SNX29: variants seen among roughly 807,000 people sequenced by gnomAD.
SNX29 encodes the protein sorting nexin 29, also known as sorting nexin-29.
SNX29 carries 78 observed loss-of-function variants against 102.1 expected under a neutral mutation model. The observed-to-expected ratio is 0.76, with a 90% CI of 0.64 to 0.92. The LOEUF (loss-of-function observed/expected upper bound fraction) is 0.92. Ranked by LOEUF, SNX29 falls within the 40% of genes least tolerant of loss-of-function variation. The pLI, the probability that SNX29 is intolerant of heterozygous loss-of-function variation, is 0.00. For synonymous variants in SNX29, 580 were observed against 414.5 expected, an observed-to-expected ratio of 1.40 and a Z score of -4.85; for missense variants, 1,280 against 1,061.7, an observed-to-expected ratio of 1.21 and a Z score of -2.86.
chr16:12,436,394 C>T (rs760788797), intron 18 of SNX29, among the ~76,000 whole-genome samples: 2 of 152,240 alleles, frequency 1.3e-5, no homozygotes, highest in African/African-American at 2.4e-5. Context: ...CAGTGCGATG[C>T]GTGACATTTC....
intron 13 of SNX29, among the ~76,000 whole-genome samples, chr16:12,142,005 C>G (rs543188245): frequency 4.0e-4 from 61 of 152,336 alleles, no homozygotes; most frequent in African/African-American, 1.4e-3. Flanking sequence ...AACAATAGCA[C>G]TCATCATCCT....
chr16:12,028,909 T>C (rs1188394135), intron 4 of SNX29, among the ~76,000 whole-genome samples: 1 of 151,770 alleles, frequency 6.6e-6, no homozygotes, highest in Non-Finnish European at 1.5e-5. Flanking sequence ...CCACCATGCC[T>C]GGCTAGTTTT....
chr16:12,127,132 G>T (rs1213280565), intron 12 of SNX29, among the ~76,000 whole-genome samples: 2 of 151,806 alleles, frequency 1.3e-5, no homozygotes, highest in African/African-American at 4.8e-5. Flanking sequence ...GGTGCTGCGT[G>T]CCTGTAATCC....
intron 13 of SNX29, among the ~76,000 whole-genome samples, chr16:12,146,733 GT>G (rs2055081397): frequency 6.6e-6 from 1 of 152,094 alleles, no homozygotes; most frequent in South Asian, 2.1e-4. Context: ...TTCTCAGCTC[GT>G]TTTTCTTTTG....
rs1000784118 is a variant in SNX29 at position 12,242,645 on chromosome 16, C to A, written c.1679-35288C>A. 2.0e-5 allele frequency among the ~76,000 whole-genome samples: 3 copies of A among 149,950 alleles called. No homozygotes were observed. The Admixed American group carries it at 2.0e-4, about 10-fold the overall frequency. On this transcript the variant is annotated intron_variant, in intron 14 of 20. Coordinates refer to ENST00000566228, the MANE Select transcript of SNX29 (RefSeq NM_032167.5). Reference sequence around the variant, plus strand: ...TCTCTTCTTCTCTTCTTCTTTTCTTCTTGTCTTCTCTTCTCTTTTTTTTTT... The same window carrying A: ...TCTCTTCTTCTCTTCTTCTTTTCTTATTGTCTTCTCTTCTCTTTTTTTTTT...
At chr16:12,087,414 C>T (rs1277183161) in intron 11 of SNX29, 1 of 179,794 alleles carries the variant, frequency 5.6e-6, no homozygotes, top group Admixed American at 5.4e-5. Context: ...GAGACTCTAT[C>T]TCAAAATAAA....
At chr16:12,005,853 G>A (rs928493752) in intron 3 of SNX29, among the ~76,000 whole-genome samples, 2 of 152,162 alleles carry the variant, frequency 1.3e-5, no homozygotes, top group African/African-American at 2.4e-5. Context: ...ATATTCCACA[G>A]TCAGGAAAAA....
rs546150488 is a variant in SNX29, at chr16:12,174,343, C to T, written c.1596-25258C>T. ...GAGCAGGTGGTGGGTACACAGTTAG[C>T]CTAGTGACCTCTTTGACTGCAGAAA... On this transcript the variant is annotated intron_variant, in intron 13 of 20. Coordinates refer to ENST00000566228, the MANE Select transcript of SNX29 (RefSeq NM_032167.5). Among the ~76,000 whole-genome samples, 14 of 152,264 alleles carry T rather than the reference C, an allele frequency of 9.2e-5. No individual in the cohort carries two copies. In the East Asian group the frequency reaches 1.9e-3, roughly 21 times the overall value.
At chr16:12,202,908 G>T (rs759810289) in intron 14 of SNX29, among the ~76,000 whole-genome samples, 1 of 152,280 alleles carries the variant, frequency 6.6e-6, no homozygotes, top group African/African-American at 2.4e-5. Flanking sequence ...CATTAGGAGT[G>T]GGCTCACATT....
intron 1 of SNX29, among the ~76,000 whole-genome samples, chr16:11,985,878 G>C (rs2055602156): frequency 6.6e-6 from 1 of 150,936 alleles, no homozygotes; most frequent in Admixed American, 6.6e-5. Context: ...TGTCACCCAG[G>C]CTGGACTGTA....
At chr16:12,163,706 T>C (rs1223732098) in intron 13 of SNX29, among the ~76,000 whole-genome samples, 1 of 152,156 alleles carries the variant, frequency 6.6e-6, no homozygotes, top group African/African-American at 2.4e-5. Flanking sequence ...GGATTTGTAT[T>C]TGTTAAACCG....
chr16:12,129,790 A>T, intron 13 of SNX29, 32 bp downstream of exon 13: 1 of 1,570,672 alleles, frequency 6.4e-7, no homozygotes, highest in Non-Finnish European at 8.6e-7. Flanking sequence ...AGAGGTAAGC[A>T]CGTGGGGGCT....
At chr16:12,145,077 G>C (rs533820849) in intron 13 of SNX29, among the ~76,000 whole-genome samples, 1 of 152,216 alleles carries the variant, frequency 6.6e-6, no homozygotes, top group East Asian at 1.9e-4. Flanking sequence ...CCACTGTTCT[G>C]CAACTTGGTT....
In SNX29 at chr16:12,569,792, C is replaced by T. The variant is rs527510042; in HGVS notation, c.*1163C>T. On this transcript the variant is annotated 3_prime_UTR_variant, in exon 21 of 21. Coordinates refer to ENST00000566228, the MANE Select transcript of SNX29 (RefSeq NM_032167.5). The stretch of plus-strand genomic sequence containing the variant: ...CACCTCACAGAGCAATAGCCGTCCT[C>T]AGATGCTCAGCAAAGTTGTGGCAGT... 4.3e-6 allele frequency: 1 copy of T among 230,396 alleles called. No homozygotes were observed. The highest frequency in any genetic ancestry group is 8.6e-6 in the Non-Finnish European group (1 of 116,252). 14.3% of individuals were successfully genotyped at this position (230,396 alleles called of 1,614,324 possible). A position where few individuals can be genotyped will look rare whatever the true frequency, so the allele number is the denominator to read the frequency against.
intron 15 of SNX29, among the ~76,000 whole-genome samples, chr16:12,348,436 C>T (rs2081889321): frequency 6.6e-6 from 1 of 152,236 alleles, no homozygotes; most frequent in Admixed American, 6.5e-5. Flanking sequence ...TAGGGTCCCC[C>T]TGAGGGGGAT....
chr16:12,049,800 A>G (rs1457592505), intron 7 of SNX29, among the ~76,000 whole-genome samples: 7 of 152,036 alleles, frequency 4.6e-5, no homozygotes, highest in Admixed American at 4.6e-4. Context: ...GTATATATGT[A>G]GAGACAGGGT....
intron 11 of SNX29, among the ~76,000 whole-genome samples, chr16:12,108,705 G>T (rs2053371131): frequency 6.6e-6 from 1 of 152,134 alleles, no homozygotes; most frequent in Admixed American, 6.6e-5. Flanking sequence ...GAGTTATGCT[G>T]GTGGTGGCCA....
intron 3 of SNX29, among the ~76,000 whole-genome samples, chr16:12,017,988 C>T (rs1567531047): frequency 6.6e-6 from 1 of 152,054 alleles, no homozygotes; most frequent in African/African-American, 2.4e-5. Context: ...TCACTGCAAC[C>T]CCAGCATCCC....
intron 15 of SNX29, among the ~76,000 whole-genome samples, chr16:12,331,587 G>A (rs1400604457): frequency 1.3e-5 from 2 of 152,110 alleles, no homozygotes; most frequent in African/African-American, 2.4e-5. Context: ...GTCTCACTCT[G>A]TTGCCCAGGC....
Sources: gnomAD v4.1 joint callset for allele counts (sites outside exome capture counted in the v4.1 genomes callset) on GRCh38, gnomAD v4.1.1 for gene constraint, MANE v1.5 for transcripts, NCBI Gene and HGNC (gene_info 2026-07-23, HGNC 2026-07-21) for gene names.